Variants in DOCK8 observed in about 807,000 individuals in gnomAD.
DOCK8 encodes dedicator of cytokinesis protein 8.
In DOCK8, 141 loss-of-function variants were observed where a neutral mutation model predicts 245.6. The observed-to-expected ratio is 0.57, with a 90% CI of 0.50 to 0.66. The LOEUF is 0.66. Among genes scored for constraint, DOCK8 ranks in the 30% least tolerant of loss-of-function variants. DOCK8 has a pLI of 0.00. For synonymous variants in DOCK8, 1,168 were observed against 970.2 expected, an observed-to-expected ratio of 1.20 and a Z score of -3.79; for missense variants, 2,965 against 2,603.4, an observed-to-expected ratio of 1.14 and a Z score of -3.02.
rs758600946 is a variant in DOCK8, at chr9:328,039, C to A, written c.912C>A (p.His304Gln). The A allele has an allele frequency of 6.2e-7, 1 of 1,614,152 alleles. No individual in the cohort carries two copies. Among genetic ancestry groups the A allele is most frequent in the East Asian group, 2.2e-5 (1 of 44,892 alleles). ...ATTTACAGATCTCAGAAAATTTTCACTGTGACCTGAACTCTGACCAGTTCA... is the reference window on the plus strand; with the variant it reads ...ATTTACAGATCTCAGAAAATTTTCAATGTGACCTGAACTCTGACCAGTTCA... The part of the protein sequence containing the change: ...KERKKISENF[H>Q]CDLNSDQFKG... Residue 304 changes from histidine (H) to glutamine (Q), a missense_variant, in exon 9 of 48, where the codon CAC becomes CAA. By Grantham distance (24) the His-to-Gln change is conservative. Transcript: ENST00000432829.
At chr9:216,862 G>A (rs982692963) in intron 1 of DOCK8, among the ~76,000 whole-genome samples, 9 of 152,094 alleles carry the variant, frequency 5.9e-5, no homozygotes, top group Admixed American at 5.2e-4. Flanking sequence ...CTGCGGGGTC[G>A]GTGTCACCTG....
intron 2 of DOCK8, among the ~76,000 whole-genome samples, chr9:282,745 G>C (rs2048645506): frequency 6.6e-6 from 1 of 152,080 alleles, no homozygotes; most frequent in Admixed American, 6.5e-5. Flanking sequence ...ATTATTCTCT[G>C]GCAGGAAGTG....
intron 22 of DOCK8, 36 bp from the exon 23 acceptor site, chr9:386,295 T>C (rs777530004): frequency 5.1e-6 from 8 of 1,568,048 alleles, no homozygotes; most frequent in Non-Finnish European, 5.3e-6. Context: ...CTTTCCATGG[T>C]TGGTTGACTG....
At chr9:273,932 C>G (rs1226341217) in intron 2 of DOCK8, among the ~76,000 whole-genome samples, 4 of 152,136 alleles carry the variant, frequency 2.6e-5, no homozygotes, top group Non-Finnish European at 5.9e-5. Context: ...TCTCTAACTC[C>G]TGACCTCAGG....
At chr9:262,644 G>C (rs2047945191) in intron 1 of DOCK8, among the ~76,000 whole-genome samples, 1 of 151,688 alleles carries the variant, frequency 6.6e-6, no homozygotes, top group African/African-American at 2.4e-5. Context: ...TACAGTGACA[G>C]AAAGCAAATT....
chr9:305,710 T>C (rs2130611500), intron 5 of DOCK8, among the ~76,000 whole-genome samples: 1 of 152,314 alleles, frequency 6.6e-6, no homozygotes, highest in African/African-American at 2.4e-5. Context: ...TTTGAAGAAC[T>C]CCAGCAAACA....
chr9:434,786 T>A lies in DOCK8; in HGVS notation c.4890T>A (p.Ile1630=). Residue 1630 remains isoleucine, a synonymous_variant, in exon 39 of 48, where the codon ATT becomes ATA. Coordinates refer to ENST00000432829, the MANE Select transcript of DOCK8 (RefSeq NM_203447.4). The stretch of plus-strand genomic sequence containing the variant: ...TTCTCACTCAATCTGTCTTCAGAAT[T>A]GCCAAGAGTTACCAGGCATCTCCTG... ...PEMLMDLMYR[I]AKSYQASPDL... The A allele has an allele frequency of 6.2e-7, 1 of 1,614,036 alleles. No individual in the cohort carries two copies. The highest frequency in any genetic ancestry group is 1.7e-4 in the Middle Eastern group (1 of 6,058).
chr9:362,652 T>C (rs2052785581), intron 14 of DOCK8, among the ~76,000 whole-genome samples: 1 of 152,166 alleles, frequency 6.6e-6, no homozygotes, highest in Non-Finnish European at 1.5e-5. Flanking sequence ...GCTAAAGAGG[T>C]GTTCAAAGGG....
rs1034042296 is a variant in DOCK8, at chr9:400,042, A to T, written c.3234+783A>T. Among the ~76,000 whole-genome samples the T allele has an allele frequency of 5.5e-4, 58 of 105,572 alleles. 1 individual carries two copies. The highest frequency in any genetic ancestry group is 5.5e-3 in the Middle Eastern group (1 of 182). 69.3% of individuals were successfully genotyped at this position (105,572 alleles called of 152,430 possible). On this transcript the variant is annotated intron_variant, in intron 26 of 47. Transcript: ENST00000432829. The stretch of plus-strand genomic sequence containing the variant: ...CACCACCTCCACCATCACCACCACC[A>T]CCTCCACCATCACCACCTCCTTCAC...
chr9:333,562 C>A (rs549690339), intron 10 of DOCK8, among the ~76,000 whole-genome samples: 3 of 150,810 alleles, frequency 2.0e-5, no homozygotes, highest in Non-Finnish European at 4.4e-5. Context: ...GATCGTGCCA[C>A]TGCACTCCAG....
chr9:460,738 G>C (rs1276552193), intron 46 of DOCK8, among the ~76,000 whole-genome samples: 1 of 152,222 alleles, frequency 6.6e-6, no homozygotes, highest in East Asian at 1.9e-4. Flanking sequence ...GTGGTGCTAA[G>C]TTTATTTTTG....
At chr9:280,308 G>A (rs777918116) in intron 2 of DOCK8, among the ~76,000 whole-genome samples, 1 of 152,146 alleles carries the variant, frequency 6.6e-6, no homozygotes, top group Non-Finnish European at 1.5e-5. Context: ...ATTGCTTGAG[G>A]GAAGTGACGG....
At chr9:292,145 T>G (rs374723220) in intron 4 of DOCK8, among the ~76,000 whole-genome samples, 8 of 135,264 alleles carry the variant, frequency 5.9e-5, no homozygotes, top group African/African-American at 1.7e-4. Flanking sequence ...CCAAGACGGG[T>G]GGATCACCTG....
chr9:353,921 T>G (rs2052298640), intron 14 of DOCK8, among the ~76,000 whole-genome samples: 2 of 152,236 alleles, frequency 1.3e-5, no homozygotes, highest in African/African-American at 4.8e-5. Flanking sequence ...TTAATTAATT[T>G]AGTTCATATA....
intron 46 of DOCK8, among the ~76,000 whole-genome samples, chr9:461,858 C>CT (rs1258121660): frequency 1.3e-5 from 2 of 151,818 alleles, no homozygotes; most frequent in Non-Finnish European, 2.9e-5. Flanking sequence ...CTGCATTTTT[C>CT]TTTTTTCTAG....
chr9:236,610 G>C (rs534434850), intron 1 of DOCK8, among the ~76,000 whole-genome samples: 46 of 152,294 alleles, frequency 3.0e-4, no homozygotes, highest in African/African-American at 1.1e-3. Context: ...CAGGAGCCTG[G>C]CTTAAAGAAG....
chr9:354,015 CAAAG>C (rs2052303504), intron 14 of DOCK8, among the ~76,000 whole-genome samples: 1 of 152,042 alleles, frequency 6.6e-6, no homozygotes, highest in Non-Finnish European at 1.5e-5. Context: ...GAATTGACTC[CAAAG>C]AGACTATTTT....
At chr9:211,983 G>T (rs1249957248), upstream of DOCK8, among the ~76,000 whole-genome samples, 1 of 152,156 alleles carries the variant, frequency 6.6e-6, no homozygotes, top group Non-Finnish European at 1.5e-5. Flanking sequence ...GGAGTTTGAA[G>T]ATGTTAGAGT....
Position 312,375 on chromosome 9 carries a change from T to G in DOCK8, c.741+209T>G, listed in dbSNP as rs753955160. 4.3e-6 allele frequency: 3 copies of G among 694,762 alleles called. No individual in the cohort carries two copies. In the East Asian group the frequency reaches 8.4e-5, roughly 20 times the overall value. 43.0% of individuals were successfully genotyped at this position (694,762 alleles called of 1,614,324 possible). A position where few individuals can be genotyped will look rare whatever the true frequency, so the allele number is the denominator to read the frequency against. ...CACACAGATGGGATTCTGATAATAATAACAACTGGAATTTTCATAGCACTT... is the reference window on the plus strand; with the variant it reads ...CACACAGATGGGATTCTGATAATAAGAACAACTGGAATTTTCATAGCACTT... On this transcript the variant is annotated intron_variant, in intron 6 of 47. Coordinates refer to ENST00000432829, the MANE Select transcript of DOCK8 (RefSeq NM_203447.4).
Sources: gnomAD v4.1 joint callset for allele counts (sites outside exome capture counted in the v4.1 genomes callset) on GRCh38, gnomAD v4.1.1 for gene constraint, MANE v1.5 for transcripts, NCBI Gene and HGNC (gene_info 2026-07-23, HGNC 2026-07-21) for gene names.